The following SEMA3A variants were observed in gnomAD, a reference collection of about 807,000 sequenced individuals.
SEMA3A encodes the protein semaphorin-3A.
A neutral mutation model predicts 97.9 loss-of-function variants in SEMA3A; 29 were observed. The ratio of observed to expected loss-of-function variants is 0.30; its 90% CI spans 0.22 to 0.40. SEMA3A has a LOEUF of 0.40. Ranked by LOEUF, SEMA3A falls within the 10% of genes least tolerant of loss-of-function variation. SEMA3A has a pLI of 1.00. For missense variants in SEMA3A, 763 were observed against 951.3 expected, an observed-to-expected ratio of 0.80 and a Z score of 2.60; for synonymous variants, 321 against 323.7, an observed-to-expected ratio of 0.99 and a Z score of 0.09.
intron 1 of SEMA3A, among the ~76,000 whole-genome samples, chr7:84,162,217 A>G (rs1797057412): frequency 6.6e-6 from 1 of 152,062 alleles, no homozygotes. Context: ...TATTAGGCCT[A>G]TTTTTTCTCT....
chr7:84,091,141 AAG>A (rs1158433438), intron 4 of SEMA3A, among the ~76,000 whole-genome samples: 33 of 23,418 alleles, frequency 1.4e-3, no homozygotes, highest in African/African-American at 3.8e-3. Context: ...AGAAAGAAGG[AAG>A]GAAGGAAGGA....
At chr7:84,233,450 C>T (rs1163931453) in intron 3 of SEMA3A, among the ~76,000 whole-genome samples, 2 of 151,920 alleles carry the variant, frequency 1.3e-5, no homozygotes, top group Non-Finnish European at 2.9e-5. Flanking sequence ...TGTAGACTAT[C>T]TGCTACAGGA....
At position 84,441,282 on chromosome 7, in the gene SEMA3A, A is replaced by AAAGAAGAT. The variant is rs1805267634; in HGVS notation, c.-246+51170_-246+51177dup. 2.6e-5 allele frequency among the ~76,000 whole-genome samples: 4 copies of AAAGAAGAT among 152,082 alleles called. No individual in the cohort carries two copies. In the South Asian group the frequency reaches 8.3e-4, roughly 32 times the overall value. ...TATCTTAAGTATGCTCAAAAAACTA[A>AAAGAAGAT]AAGAAGATATTAGGAAAGTCAAGAA... On this transcript the variant is annotated intron_variant, in intron 1 of 3. Transcript: ENST00000424555.
chr7:84,357,454 AG>A (rs1435030977), intron 2 of SEMA3A, among the ~76,000 whole-genome samples: 4 of 152,048 alleles, frequency 2.6e-5, no homozygotes, highest in Admixed American at 6.6e-5. Context: ...GTCCCTACAA[AG>A]GACATGAACT....
chr7:84,382,440 A>C (rs1803284757), intron 1 of SEMA3A, among the ~76,000 whole-genome samples: 1 of 151,634 alleles, frequency 6.6e-6, no homozygotes, highest in Non-Finnish European at 1.5e-5. Context: ...GATATATTTT[A>C]GATATTAGTT....
intron 1 of SEMA3A, among the ~76,000 whole-genome samples, chr7:84,381,944 T>G (rs1465773930): frequency 6.6e-6 from 1 of 152,128 alleles, no homozygotes; most frequent in Non-Finnish European, 1.5e-5. Flanking sequence ...TAAGTATGCA[T>G]GTAAAAGAAC....
intron 3 of SEMA3A, among the ~76,000 whole-genome samples, chr7:84,265,217 T>C (rs904025583): frequency 6.6e-6 from 1 of 152,108 alleles, no homozygotes; most frequent in African/African-American, 2.4e-5. Context: ...TGTGAACTTC[T>C]AAGCTATTAC....
At chr7:84,246,371 A>T (rs1170155978) in intron 3 of SEMA3A, among the ~76,000 whole-genome samples, 1 of 152,230 alleles carries the variant, frequency 6.6e-6, no homozygotes, top group Non-Finnish European at 1.5e-5. Flanking sequence ...GCACTTGACA[A>T]CATAAAATCT....
At chr7:84,095,032 C>G (rs950030862) in intron 4 of SEMA3A, among the ~76,000 whole-genome samples, 1 of 150,554 alleles carries the variant, frequency 6.6e-6, no homozygotes, top group Admixed American at 6.7e-5. Context: ...AACATACACA[C>G]TTACACACAC....
At position 84,185,277 on chromosome 7, in the gene SEMA3A, G is replaced by A. The variant is rs573735308; in HGVS notation, c.112+9198C>T. 9.9e-5 allele frequency among the ~76,000 whole-genome samples: 15 copies of A among 151,956 alleles called. 1 individual carries two copies. Among genetic ancestry groups the A allele is most frequent in the Admixed American group, 2.0e-4 (3 of 15,238 alleles). On this transcript the variant is annotated intron_variant, in intron 1 of 16. Coordinates refer to ENST00000265362, the MANE Select transcript of SEMA3A (RefSeq NM_006080.3). ...AGAAGTGACTTTTTTCTGTGTTGCC[G>A]GGTACCATGAACCTACAACGTTGTC...
At chr7:84,471,599 G>C (rs1161077725) in intron 1 of SEMA3A, among the ~76,000 whole-genome samples, 1 of 151,996 alleles carries the variant, frequency 6.6e-6, no homozygotes, top group Non-Finnish European at 1.5e-5. Context: ...CCAGGTTTTT[G>C]AGGGACAAAA....
At chr7:84,463,237 C>CTT (rs59465422) in intron 1 of SEMA3A, among the ~76,000 whole-genome samples, 2,606 of 71,070 alleles carry the variant, frequency 0.037, 573 homozygotes, top group Non-Finnish European at 0.043. Flanking sequence ...TGTAACTATT[C>CTT]TTTTTTTTTT....
At chr7:84,407,705 A>T (rs1292522198) in intron 1 of SEMA3A, among the ~76,000 whole-genome samples, 2 of 152,150 alleles carry the variant, frequency 1.3e-5, no homozygotes, top group Non-Finnish European at 2.9e-5. Flanking sequence ...GATGTAGACC[A>T]ATGGAACAGA....
intron 6 of SEMA3A, among the ~76,000 whole-genome samples, chr7:84,028,216 G>A (rs1791617484): frequency 6.6e-6 from 1 of 152,022 alleles, no homozygotes; most frequent in South Asian, 2.1e-4. Context: ...TAACTTTCCT[G>A]TATTTGAAAT....
chr7:84,245,276 C>T (rs183897198), intron 3 of SEMA3A, among the ~76,000 whole-genome samples: 1 of 151,932 alleles, frequency 6.6e-6, no homozygotes, highest in Non-Finnish European at 1.5e-5. Flanking sequence ...TTCTTGGAGG[C>T]TTTGTTCGTT....
chr7:84,100,696 G>A (rs539074016), intron 4 of SEMA3A, among the ~76,000 whole-genome samples: 1 of 152,164 alleles, frequency 6.6e-6, no homozygotes, highest in African/African-American at 2.4e-5. Context: ...AAGAAAAAAT[G>A]TTCCTAGGTT....
rs1788272571 is a variant in SEMA3A at position 83,956,026 on chromosome 7, T to C, written c.*5345A>G. On this transcript the variant is annotated 3_prime_UTR_variant, in exon 17 of 17. Transcript: ENST00000265362. ...AGATTAATACAACGGTGGTGCGGGG[T>C]TGACATATTCAAGATGAAGGTGGGT... The C allele has an allele frequency of 6.6e-6, 1 of 152,122 alleles. No homozygotes were observed. Among genetic ancestry groups the C allele is most frequent in the Non-Finnish European group, 1.5e-5 (1 of 68,008 alleles). The allele number at this position is 152,122 out of a possible 1,614,324, so 9.4% of individuals were successfully genotyped here.
chr7:84,071,916 G>A (rs908486754), intron 4 of SEMA3A, among the ~76,000 whole-genome samples: 1 of 152,166 alleles, frequency 6.6e-6, no homozygotes, highest in Non-Finnish European at 1.5e-5. Flanking sequence ...ACAGGGAGTA[G>A]CAAAGACACA....
intron 6 of SEMA3A, among the ~76,000 whole-genome samples, chr7:84,025,650 G>A (rs1254356724): frequency 2.0e-5 from 3 of 152,072 alleles, no homozygotes; most frequent in East Asian, 1.9e-4. Flanking sequence ...CCCAAGAAAA[G>A]TTCAAGATGA....
Sources: gnomAD v4.1 joint callset for allele counts (sites outside exome capture counted in the v4.1 genomes callset) on GRCh38, gnomAD v4.1.1 for gene constraint, MANE v1.5 for transcripts, NCBI Gene and HGNC (gene_info 2026-07-23, HGNC 2026-07-21) for gene names.